The following MRTFA variants were observed in gnomAD, a reference collection of about 807,000 sequenced individuals.
MRTFA encodes myocardin-related transcription factor A.
In MRTFA, 20 loss-of-function variants were observed where a neutral mutation model predicts 83.5. The ratio of observed to expected loss-of-function variants is 0.24; its 90% CI spans 0.17 to 0.35. The LOEUF (loss-of-function observed/expected upper bound fraction) is 0.35, where lower values mean the gene tolerates loss of function less well. Among genes scored for constraint, MRTFA ranks in the 10% least tolerant of loss-of-function variants. MRTFA has a pLI of 1.00. For missense variants in MRTFA, 1,200 were observed against 1,224.7 expected (o/e 0.98, Z 0.30); for synonymous variants, 659 against 541.2 (o/e 1.22, Z -3.02).
intron 3 of MRTFA, among the ~76,000 whole-genome samples, chr22:40,543,231 T>C (rs2055316911): frequency 6.6e-6 from 1 of 152,192 alleles, no homozygotes; most frequent in Admixed American, 6.5e-5. Context: ...CAAGAAATAC[T>C]GTAATTTGGA....
At chr22:40,413,076 G>C (rs921424942) in intron 14 of MRTFA, among the ~76,000 whole-genome samples, 2 of 143,120 alleles carry the variant, frequency 1.4e-5, no homozygotes, top group East Asian at 4.4e-4. Context: ...GGCGGAGGTT[G>C]CAGTGAGCCA....
In MRTFA at chr22:40,420,414, G is replaced by A. The variant is rs144648988; in HGVS notation, c.1344C>T (p.Asp448=). Residue 448 remains aspartate (D), a synonymous_variant, in exon 11 of 15, where the codon GAC becomes GAT. Transcript: ENST00000355630. ...TCCAGTGGCCATGTACCTTCATGTC[G>A]TCCAGGTTGGCCGGCAGGGCTCCCG... The A allele has an allele frequency of 7.6e-5, 122 of 1,613,208 alleles. No homozygotes were observed. The highest frequency in any genetic ancestry group is 1.1e-4 in the South Asian group (10 of 91,052).
intron 12 of MRTFA, 94 bp downstream of exon 12, chr22:40,418,280 C>T: frequency 1.3e-6 from 2 of 1,521,680 alleles, no homozygotes; most frequent in East Asian, 4.7e-5. Context: ...ACAAAATGTC[C>T]AGCACGAGGG....
chr22:40,459,850 T>TATATATATATATATAC (rs1210527065), intron 4 of MRTFA, among the ~76,000 whole-genome samples: 1 of 139,914 alleles, frequency 7.1e-6, no homozygotes, highest in African/African-American at 2.7e-5. Flanking sequence ...TATATATATA[T>TATATATATATATATAC]ATATATATAT....
At chr22:40,587,010 A>G in intron 2 of MRTFA, 1 of 478,056 alleles carries the variant, frequency 2.1e-6, no homozygotes, top group Non-Finnish European at 4.3e-6. Context: ...GGTGTTGCAG[A>G]GCATGGTCTT....
chr22:40,580,240 C>T (rs2055927199), intron 2 of MRTFA, among the ~76,000 whole-genome samples: 1 of 151,950 alleles, frequency 6.6e-6, no homozygotes, highest in South Asian at 2.1e-4. Context: ...ATTCTGGCAC[C>T]CAGACTGTAA....
chr22:40,423,528 A>G lies in MRTFA; in HGVS notation c.927+8T>C, dbSNP rs527525464. ...AAGGGGAGGGTACAATCACTGGCAG[A>G]AATGTACCTTAATGAGTGTGGGGGT... On this transcript the variant is annotated splice_region_variant and intron_variant, in intron 9 of 14. Transcript: ENST00000355630. 1 of 1,483,892 alleles carries G rather than the reference A, an allele frequency of 6.7e-7. No homozygotes were observed. The allele number at this position is 1,483,892 out of a possible 1,614,324, so 91.9% of individuals were successfully genotyped here. A position where few individuals can be genotyped will look rare whatever the true frequency, so the allele number is the denominator to read the frequency against.
At chr22:40,474,719 TG>T (rs1222005149) in intron 3 of MRTFA, among the ~76,000 whole-genome samples, 1 of 152,214 alleles carries the variant, frequency 6.6e-6, no homozygotes, top group Non-Finnish European at 1.5e-5. Flanking sequence ...TACAGTTTCA[TG>T]AGGGAAACAT....
intron 4 of MRTFA, among the ~76,000 whole-genome samples, chr22:40,461,947 C>G (rs1363927777): frequency 6.6e-6 from 1 of 152,224 alleles, no homozygotes; most frequent in Non-Finnish European, 1.5e-5. Context: ...TTGATGATCT[C>G]CAAACACACC....
At chr22:40,515,910 G>A (rs1354795167) in intron 3 of MRTFA, among the ~76,000 whole-genome samples, 3 of 152,024 alleles carry the variant, frequency 2.0e-5, no homozygotes, top group African/African-American at 7.2e-5. Flanking sequence ...GACAAATTCT[G>A]TACACACACA....
At chr22:40,483,839 C>T (rs73167076) in intron 3 of MRTFA, among the ~76,000 whole-genome samples, 13,463 of 152,028 alleles carry the variant, frequency 0.089, 903 homozygotes, top group East Asian at 0.24. Context: ...GGACTACAGA[C>T]GCACAGTAGC....
intron 1 of MRTFA, among the ~76,000 whole-genome samples, chr22:40,615,223 T>C (rs961780025): frequency 1.3e-5 from 2 of 152,212 alleles, no homozygotes; most frequent in African/African-American, 4.8e-5. Context: ...ATCCACTTGT[T>C]CCAGCAATAG....
At chr22:40,518,675 G>C (rs2054803720) in intron 3 of MRTFA, among the ~76,000 whole-genome samples, 1 of 151,188 alleles carries the variant, frequency 6.6e-6, no homozygotes, top group Non-Finnish European at 1.5e-5. Flanking sequence ...GGCACCTGTA[G>C]TCCCGGCTTC....
intron 7 of MRTFA, among the ~76,000 whole-genome samples, chr22:40,426,221 C>T (rs1345783402): frequency 1.3e-5 from 2 of 152,124 alleles, no homozygotes; most frequent in East Asian, 3.9e-4. Flanking sequence ...CTCATCTGAG[C>T]CAAACTTCCT....
At chr22:40,622,976 T>C (rs1396917013) in intron 1 of MRTFA, among the ~76,000 whole-genome samples, 1 of 152,120 alleles carries the variant, frequency 6.6e-6, no homozygotes, top group East Asian at 1.9e-4. Context: ...TTCTATAAAG[T>C]GAGAAAGAGA....
chr22:40,540,706 G>A (rs1762829500), intron 3 of MRTFA, among the ~76,000 whole-genome samples: 1 of 149,918 alleles, frequency 6.7e-6, no homozygotes, highest in South Asian at 2.1e-4. Flanking sequence ...GAATGCGTGA[G>A]GTTAAGGTTG....
intron 2 of MRTFA, among the ~76,000 whole-genome samples, chr22:40,577,172 A>G (rs1313043300): frequency 6.7e-6 from 1 of 150,262 alleles, no homozygotes; most frequent in Non-Finnish European, 1.5e-5. Flanking sequence ...GCAGTGAGCC[A>G]TGATAGTGAC....
chr22:40,493,275 A>G (rs569325550), intron 3 of MRTFA, among the ~76,000 whole-genome samples: 125 of 152,366 alleles, frequency 8.2e-4, no homozygotes, highest in Non-Finnish European at 1.5e-3. Context: ...CAGATGTGCC[A>G]CCATATTCTT....
chr22:40,424,122 C>T, intron 8 of MRTFA, 84 bp downstream of exon 8: 1 of 1,385,758 alleles, frequency 7.2e-7, no homozygotes, highest in Non-Finnish European at 9.6e-7. Flanking sequence ...GAGCAGGAGG[C>T]ATCCCGTGGC....
Sources: gnomAD v4.1 joint callset for allele counts (sites outside exome capture counted in the v4.1 genomes callset) on GRCh38, gnomAD v4.1.1 for gene constraint, MANE v1.5 for transcripts, NCBI Gene and HGNC (gene_info 2026-07-23, HGNC 2026-07-21) for gene names.